The following NID2 variants were observed in gnomAD, a reference collection of about 807,000 sequenced individuals.
NID2 encodes the protein nidogen 2, also known as nidogen-2.
A neutral mutation model predicts 145.4 loss-of-function variants in NID2; 83 were observed. The observed-to-expected ratio is 0.57, with a 90% CI of 0.48 to 0.69. The LOEUF is 0.69. Ranked by LOEUF, NID2 falls within the 30% of genes least tolerant of loss-of-function variation. NID2 has a pLI of 0.00. For synonymous variants in NID2, 739 were observed against 701.3 expected, an observed-to-expected ratio of 1.05 and a Z score of -0.85; for missense variants, 1,807 against 1,765.7, an observed-to-expected ratio of 1.02 and a Z score of -0.42.
At chr14:52,048,539 TTTCA>T (rs1892584043) in intron 5 of NID2, among the ~76,000 whole-genome samples, 1 of 152,022 alleles carries the variant, frequency 6.6e-6, no homozygotes, top group Non-Finnish European at 1.5e-5. Flanking sequence ...CGGTGGTCAT[TTTCA>T]TGTCCCTATC....
At position 52,019,077 on chromosome 14, in the gene NID2, G is replaced by A. The variant is rs752825593; in HGVS notation, c.3012C>T (p.His1004=). Residue 1004 remains histidine, a synonymous_variant, in exon 14 of 22, where the codon CAC becomes CAT. Transcript: ENST00000216286. ...TQTPPGSTPP[H]CGPSPEPTQR... is the part of the protein sequence containing the mutation. ...TAAGCTCACCTGGTGATGGTCCACA[G>A]TGAGGCGGGGTGGAGCCAGGTGGAG... The A allele has an allele frequency of 6.8e-6, 11 of 1,613,902 alleles. No individual in the cohort carries two copies. The Admixed American group carries it at 1.0e-4, about 15-fold the overall frequency.
In NID2 at chr14:52,042,794, A is replaced by G; in HGVS notation, c.1567T>C (p.Cys523Arg). 6.2e-7 allele frequency: 1 copy of G among 1,614,110 alleles called. No homozygotes were observed. Among genetic ancestry groups the G allele is most frequent in the Non-Finnish European group, 8.5e-7 (1 of 1,179,946 alleles). Residue 523 changes from cysteine (C) to arginine (R), a missense_variant, in exon 6 of 22, where the codon TGT becomes CGT. Physicochemically the swap from Cys to Arg is radical, Grantham distance 180. Coordinates refer to ENST00000216286, the MANE Select transcript of NID2 (RefSeq NM_007361.4). ...QSKFYGNGKH[C>R]LPEGAPHRVN... ...CCCAGTCAATTACCTTCAGGCAGAC[A>G]GTGCTTCCCATTTCCATAAAACTTG...
chr14:52,050,591 G>A (rs1892649407), intron 5 of NID2, among the ~76,000 whole-genome samples: 1 of 151,596 alleles, frequency 6.6e-6, no homozygotes, highest in African/African-American at 2.4e-5. Context: ...AAAATGGGAA[G>A]GATGATTGTA....
intron 9 of NID2, among the ~76,000 whole-genome samples, chr14:52,033,658 A>G (rs1891956046): frequency 6.6e-6 from 1 of 152,242 alleles, no homozygotes; most frequent in South Asian, 2.1e-4. Flanking sequence ...TCTTAGGAAG[A>G]TACTGCTGTG....
intron 12 of NID2, among the ~76,000 whole-genome samples, chr14:52,024,563 C>T (rs978573689): frequency 6.6e-6 from 1 of 152,298 alleles, no homozygotes; most frequent in South Asian, 2.1e-4. Context: ...CAGGACCCAG[C>T]TGAGCCATTC....
rs888386744 is a variant in NID2 at position 52,042,684 on chromosome 14, G to A, written c.1579+98C>T. 2.2e-5 allele frequency: 27 copies of A among 1,210,672 alleles called. No homozygotes were observed. The Admixed American group carries it at 4.5e-4, about 20-fold the overall frequency. The allele number at this position is 1,210,672 out of a possible 1,614,324, so 75.0% of individuals were successfully genotyped here. On this transcript the variant is annotated intron_variant, in intron 6 of 21. Coordinates refer to ENST00000216286, the MANE Select transcript of NID2 (RefSeq NM_007361.4). ...TTGATAGCACTCTGATTTAAGTAGTGGAGATGTTTGGTCCATAAAGCAGAG... is the reference window on the plus strand; with the variant it reads ...TTGATAGCACTCTGATTTAAGTAGTAGAGATGTTTGGTCCATAAAGCAGAG...
In NID2 at chr14:52,028,845, T is replaced by A; in HGVS notation, c.2407A>T (p.Asn803Tyr). ...CGATGAAAGCCAGTTGCACATTCAT[T>A]TTCATCTAAGAAGAAATGAGAAGAG... The part of the protein sequence containing the change: ...QGDGRNCVDE[N>Y]ECATGFHRCG... The change falls in exon 11 of 22, where the codon AAT becomes TAT. Residue 803 changes from asparagine (N) to tyrosine (Y), a missense_variant. By Grantham distance (143) the Asn-to-Tyr change is moderately radical. Transcript: ENST00000216286. 6.2e-7 allele frequency: 1 copy of A among 1,613,350 alleles called. No homozygotes were observed. The highest frequency in any genetic ancestry group is 1.3e-5 in the African/African-American group (1 of 75,002).
In NID2 at chr14:52,058,924, G is replaced by A. The variant is rs148080407; in HGVS notation, c.767+1200C>T. ...AGTAAGGAACTGAGTTTGCTCCAGA[G>A]TCCAGACTAAGCGGCAGCCTAGATG... On this transcript the variant is annotated intron_variant, in intron 3 of 21. Coordinates refer to ENST00000216286, the MANE Select transcript of NID2 (RefSeq NM_007361.4). Among the ~76,000 whole-genome samples, 11 of 151,952 alleles carry A rather than the reference G, an allele frequency of 7.2e-5. No individual in the cohort carries two copies. In the East Asian group the frequency reaches 2.1e-3, roughly 30 times the overall value.
chr14:52,040,399 G>A (rs1471526250), intron 8 of NID2, among the ~76,000 whole-genome samples: 1 of 152,104 alleles, frequency 6.6e-6, no homozygotes, highest in Non-Finnish European at 1.5e-5. Flanking sequence ...CCACCCCATG[G>A]ACAATGTTGC....
intron 5 of NID2, among the ~76,000 whole-genome samples, chr14:52,048,850 A>C (rs1197018568): frequency 6.6e-6 from 1 of 152,162 alleles, no homozygotes; most frequent in African/African-American, 2.4e-5. Flanking sequence ...GTGGCTTAAA[A>C]ATGCAGTTTC....
At chr14:52,039,887 T>C (rs979044280) in intron 8 of NID2, among the ~76,000 whole-genome samples, 1 of 152,248 alleles carries the variant, frequency 6.6e-6, no homozygotes, top group African/African-American at 2.4e-5. Context: ...TAAATTCTTA[T>C]CTTTTGACTC....
Position 52,019,227 on chromosome 14 carries a change from A to G in NID2, c.2862T>C (p.Pro954=), listed in dbSNP as rs1035224600. The G allele has an allele frequency of 6.2e-7, 1 of 1,612,592 alleles. No individual in the cohort carries two copies. Among genetic ancestry groups the G allele is most frequent in the African/African-American group, 1.3e-5 (1 of 74,870 alleles). Residue 954 remains proline (P), a synonymous_variant, in exon 14 of 22, where the codon CCT becomes CCC. Transcript: ENST00000216286. ...ATTGGGGGATGTGGAACCGGGCCCC[A>G]GGGTAGGCATACTGGGCCTGGGCAT... ...QRHAQAQYAY[P]GARFHIPQCD... is the part of the protein sequence containing the mutation.
At position 52,016,963 on chromosome 14, in the gene NID2, G is replaced by T. The variant is rs565796480; in HGVS notation, c.3029-1688C>A. 1.2e-4 allele frequency among the ~76,000 whole-genome samples: 18 copies of T among 152,320 alleles called. No homozygotes were observed. The South Asian group carries it at 3.5e-3, about 30-fold the overall frequency. ...AAGCGAATGCCGTTAAGTTGTCACT[G>T]TAGCTCATGACCCATGGGAGACAAA... On this transcript the variant is annotated intron_variant, in intron 14 of 21. Transcript: ENST00000216286.
At chr14:52,053,171 T>C (rs1370870941) in intron 5 of NID2, among the ~76,000 whole-genome samples, 5 of 152,252 alleles carry the variant, frequency 3.3e-5, no homozygotes, top group Non-Finnish European at 7.3e-5. Flanking sequence ...CATGTTCATC[T>C]GAGCCAGCAC....
intron 5 of NID2, among the ~76,000 whole-genome samples, chr14:52,045,160 C>T (rs2645743): frequency 0.46 from 69,365 of 151,938 alleles, 16,308 homozygotes; most frequent in Non-Finnish European, 0.51. Flanking sequence ...AAGTATAATT[C>T]GAGTCATACT....
In NID2 at chr14:52,038,876, T is replaced by C. The variant is rs756458694; in HGVS notation, c.2128A>G (p.Arg710Gly). 1 of 1,614,194 alleles carries C rather than the reference T, an allele frequency of 6.2e-7. No individual in the cohort carries two copies. Among genetic ancestry groups the C allele is most frequent in the Non-Finnish European group, 8.5e-7 (1 of 1,180,020 alleles). The stretch of plus-strand genomic sequence containing the variant: ...AAGGACGGGTGTCTGGGGGCGTGCC[T>C]GCACACCTGGTAAGTGATGTTCTGG... ...IHQNITYQVC[R>G]HAPRHPSFPT... The change falls in exon 9 of 22, where the codon AGG becomes GGG. Residue 710 changes from arginine to glycine, a missense_variant. Arg to Gly is a moderately radical substitution (Grantham distance 125, BLOSUM62 -2). Coordinates refer to ENST00000216286, the MANE Select transcript of NID2 (RefSeq NM_007361.4).
intron 9 of NID2, among the ~76,000 whole-genome samples, chr14:52,038,223 T>C (rs1892144080): frequency 6.6e-6 from 1 of 152,236 alleles, no homozygotes; most frequent in African/African-American, 2.4e-5. Context: ...TATAATGTTC[T>C]GGGAATCATG....
intron 2 of NID2, among the ~76,000 whole-genome samples, chr14:52,066,618 C>T (rs1893225182): frequency 6.6e-6 from 1 of 152,036 alleles, no homozygotes; most frequent in South Asian, 2.1e-4. Context: ...AAAGAGTCCC[C>T]ATACAAAAGA....
Position 52,068,877 on chromosome 14 carries a change from C to T in NID2, c.118G>A (p.Gly40Arg). ...AGGAGCTGGTCCCCCCACGACTCCC[C>T]GTGTGGGAAGAGCTCGTCTGGGTGC... ...ALHPDELFPH[G>R]ESWGDQLLQE... The change falls in exon 1 of 22, where the codon GGG (glycine) becomes AGG (arginine). Residue 40 changes from glycine to arginine, a missense_variant. Transcript: ENST00000216286. 2 of 1,614,044 alleles carry T rather than the reference C, an allele frequency of 1.2e-6. No homozygotes were observed. Among genetic ancestry groups the T allele is most frequent in the Non-Finnish European group, 8.5e-7 (1 of 1,180,028 alleles).
Sources: allele counts gnomAD v4.1 joint callset (sites outside exome capture counted in the v4.1 genomes callset), GRCh38; gene constraint gnomAD v4.1.1; transcripts MANE v1.5; gene names NCBI Gene and HGNC (gene_info 2026-07-23, HGNC 2026-07-21).